PDZD7: variants seen among roughly 807,000 people sequenced by gnomAD.
The protein encoded by PDZD7 is PDZ domain containing 7.
PDZD7 carries 72 observed loss-of-function variants against 84.7 expected under a neutral mutation model. That is an observed-to-expected ratio of 0.85 (90% CI 0.70 to 1.03). PDZD7 has a LOEUF of 1.03. PDZD7 is among the 50% of genes least tolerant of loss of function. The pLI, the probability that PDZD7 is intolerant of heterozygous loss-of-function variation, is 0.00. For synonymous variants in PDZD7, 594 were observed against 580.7 expected (o/e 1.02, Z -0.33); for missense variants, 1,490 against 1,412.9 (o/e 1.05, Z -0.87).
chr10:101,010,190 T>G (rs1852346100), intron 15 of PDZD7, 82 bp downstream of exon 15: 12 of 1,434,582 alleles, frequency 8.4e-6, no homozygotes, highest in Non-Finnish European at 1.1e-5. Flanking sequence ...CCTCTGCGCC[T>G]GGCCCAATAC....
intron 1 of PDZD7, 51 bp from the exon 2 acceptor site, chr10:101,030,435 G>GC (rs1248430828): frequency 1.5e-6 from 1 of 672,050 alleles, no homozygotes; most frequent in East Asian, 2.7e-5. Context: ...TTCCCCTGCT[G>GC]CCCCCTAAAA....
At position 101,010,809 on chromosome 10, in the gene PDZD7, G is replaced by A. The variant is rs888682254; in HGVS notation, c.2080C>T (p.Arg694Trp). Reference protein sequence around the residue: ...EEEDNGELRERLGALKVSPSA... With the variant: ...EEEDNGELREWLGALKVSPSA... Reference sequence around the variant, plus strand: ...GGGGAGACCTTGAGGGCCCCCAGCCGCTCCCTCAGCTCCCCATTATCTTCC... The same window carrying A: ...GGGGAGACCTTGAGGGCCCCCAGCCACTCCCTCAGCTCCCCATTATCTTCC... The change falls in exon 15 of 17, where the codon CGG (arginine) becomes TGG (tryptophan). Residue 694 changes from arginine (R) to tryptophan (W), a missense_variant. By Grantham distance (101) the Arg-to-Trp change is moderately radical. Transcript: ENST00000619208. 4 of 1,535,238 alleles carry A rather than the reference G, an allele frequency of 2.6e-6. No homozygotes were observed. Among genetic ancestry groups the A allele is most frequent in the African/African-American group, 2.7e-5 (2 of 73,006 alleles).
rs1208319652 is a variant in PDZD7 at position 101,018,878 on chromosome 10, G to A, written c.1268C>T (p.Ala423Val). Residue 423 changes from alanine to valine, a missense_variant, in exon 8 of 17, where the codon GCC (alanine) becomes GTC (valine). Physicochemically the swap from Ala to Val is moderately conservative, Grantham distance 64 (BLOSUM62 0). Coordinates refer to ENST00000619208, the MANE Select transcript of PDZD7 (RefSeq NM_001195263.2). ...SESPKTALLL[A>V]LSRPRPPITR... ...GATGGGGGGCCGGGGTCGGCTGAGG[G>A]CCAGCAGCAAAGCCGTCTTGGGAGA... 2 of 1,604,954 alleles carry A rather than the reference G, an allele frequency of 1.2e-6. No individual in the cohort carries two copies. Among genetic ancestry groups the A allele is most frequent in the African/African-American group, 2.7e-5 (2 of 74,994 alleles).
intron 11 of PDZD7, among the ~76,000 whole-genome samples, chr10:101,014,708 C>T (rs953471716): frequency 7.4e-5 from 11 of 148,002 alleles, no homozygotes; most frequent in Admixed American, 2.1e-4. Context: ...TAGCCAGACA[C>T]GTGCTTGCTC....
At position 101,010,863 on chromosome 10, in the gene PDZD7, G is replaced by A; in HGVS notation, c.2026C>T (p.Leu676=). The change falls in exon 15 of 17, where the codon CTG becomes TTG. Residue 676 remains leucine (L), a synonymous_variant. Coordinates refer to ENST00000619208, the MANE Select transcript of PDZD7 (RefSeq NM_001195263.2). ...PVPDSRGGFY[L]LPVNGFPEEE... is the part of the protein sequence containing the mutation. ...TCCGGGAAGCCGTTCACCGGCAGCA[G>A]GTAGAAGCCTCCGCGGCTGTCTGGG... 1 of 1,534,314 alleles carries A rather than the reference G, an allele frequency of 6.5e-7. No homozygotes were observed. Among genetic ancestry groups the A allele is most frequent in the Non-Finnish European group, 8.7e-7 (1 of 1,146,856 alleles).
rs2134101028 is a variant in PDZD7 at position 101,023,585 on chromosome 10, G to T, written c.393C>A (p.Asp131Glu). The T allele has an allele frequency of 2.5e-6, 4 of 1,613,228 alleles. No homozygotes were observed. Among genetic ancestry groups the T allele is most frequent in the Non-Finnish European group, 2.5e-6 (3 of 1,180,026 alleles). The part of the protein sequence containing the change: ...SAERAGLCVG[D>E]KITEVNGLSL... ...TCAGCCCATTCACCTCCGTGATCTT[G>T]TCCCCCACGCACAGGCCAGCCCGCT... The change falls in exon 4 of 17, where the codon GAC (aspartate) becomes GAA (glutamate). Residue 131 changes from aspartate (D) to glutamate (E), a missense_variant. Coordinates refer to ENST00000619208, the MANE Select transcript of PDZD7 (RefSeq NM_001195263.2).
chr10:101,029,113 G>C (rs955287132), intron 2 of PDZD7, among the ~76,000 whole-genome samples: 5 of 152,226 alleles, frequency 3.3e-5, no homozygotes, highest in African/African-American at 1.2e-4. Context: ...CTCAGACTCA[G>C]GGGGCCTGGC....
chr10:101,022,100 G>A (rs1040849660), intron 5 of PDZD7, 109 bp downstream of exon 5: 2 of 1,558,028 alleles, frequency 1.3e-6, no homozygotes, highest in African/African-American at 1.4e-5. Flanking sequence ...CACTGAGACA[G>A]GTGGTTGGCC....
intron 2 of PDZD7, among the ~76,000 whole-genome samples, chr10:101,024,394 C>T (rs573012194): frequency 1.4e-4 from 22 of 152,280 alleles, no homozygotes; most frequent in African/African-American, 4.8e-4. Context: ...CAGGCACACA[C>T]CACTGTGCCT....
chr10:101,029,518 G>A (rs1031999291), intron 2 of PDZD7, among the ~76,000 whole-genome samples: 2 of 152,132 alleles, frequency 1.3e-5, no homozygotes, highest in East Asian at 1.9e-4. Context: ...CCTTCAGCAC[G>A]GAAGCCCTGA....
At position 101,016,425 on chromosome 10, in the gene PDZD7, CT is replaced by C; in HGVS notation, c.1524del (p.Gly510AlafsTer13). ...AACTTCTGTACCGGGCCCACGCCCCCTGCTATGAAGAAGAAAGAGGCTCAGC... is the reference window on the plus strand; with the variant it reads ...AACTTCTGTACCGGGCCCACGCCCCCGCTATGAAGAAGAAAGAGGCTCAGC... ...KTYPRLDIEK[A>X]GGVGPVQKFV... On this transcript the variant is annotated frameshift_variant and splice_region_variant, in exon 10 of 17. Coordinates refer to ENST00000619208, the MANE Select transcript of PDZD7 (RefSeq NM_001195263.2). LOFTEE classifies it high-confidence loss of function. 1 of 1,550,654 alleles carries C rather than the reference CT, an allele frequency of 6.4e-7. No individual in the cohort carries two copies. The highest frequency in any genetic ancestry group is 8.7e-7 in the Non-Finnish European group (1 of 1,147,004).
rs78072468 is a variant in PDZD7, at chr10:101,030,061, C to T, written c.159G>A (p.Gly53=). Residue 53 remains glycine, a synonymous_variant, in exon 2 of 17, where the codon GGG becomes GGA. Transcript: ENST00000619208. ...ATGAGGCTCGGATTCCGCGGGGGGGCCCGTTCAGCAGCCGTTGTTGCTTCC... is the reference window on the plus strand; with the variant it reads ...ATGAGGCTCGGATTCCGCGGGGGGGTCCGTTCAGCAGCCGTTGTTGCTTCC... ...LLRKQQRLLN[G]PPRGIRASSP... The T allele has an allele frequency of 2.5e-6, 4 of 1,612,550 alleles. No individual in the cohort carries two copies. The highest frequency in any genetic ancestry group is 1.1e-5 in the South Asian group (1 of 91,066).
chr10:101,014,864 T>C (rs1852540434), intron 11 of PDZD7, among the ~76,000 whole-genome samples: 1 of 152,062 alleles, frequency 6.6e-6, no homozygotes, highest in Non-Finnish European at 1.5e-5. Flanking sequence ...AAACAATTTT[T>C]CAAGACCCCC....
Position 101,010,525 on chromosome 10 carries a change from T to G in PDZD7, c.2364A>C (p.Gln788His). ...SRSRSRSSRGQGKSPGRRSPS... is the reference protein window; with the variant it reads ...SRSRSRSSRGHGKSPGRRSPS... ...GGGAGCGTCTACCTGGAGACTTGCC[T>G]TGACCCCGGCTGCTGCGGCTGCGGC... Residue 788 changes from glutamine to histidine, a missense_variant, in exon 15 of 17, where the codon CAA becomes CAC. Gln to His is a conservative substitution (Grantham distance 24, BLOSUM62 0). Coordinates refer to ENST00000619208, the MANE Select transcript of PDZD7 (RefSeq NM_001195263.2). 4.6e-6 allele frequency: 7 copies of G among 1,526,380 alleles called. No homozygotes were observed. Among genetic ancestry groups the G allele is most frequent in the Non-Finnish European group, 4.4e-6 (5 of 1,140,938 alleles). 94.6% of individuals were successfully genotyped at this position (1,526,380 alleles called of 1,614,324 possible).
At chr10:101,022,058 C>T in intron 5 of PDZD7, 113 bp from the exon 6 acceptor site, 1 of 1,559,564 alleles carries the variant, frequency 6.4e-7, no homozygotes, top group Non-Finnish European at 8.7e-7. Context: ...CTTGACCCTC[C>T]TACTGGGGCC....
chr10:101,020,806 C>G, intron 6 of PDZD7, 128 bp from the exon 7 acceptor site: 1 of 725,190 alleles, frequency 1.4e-6, no homozygotes, highest in Non-Finnish European at 2.4e-6. Flanking sequence ...TCATCATGCT[C>G]TGGCCGCACA....
chr10:101,028,632 C>T (rs377445389), intron 2 of PDZD7, among the ~76,000 whole-genome samples: 88 of 150,702 alleles, frequency 5.8e-4, no homozygotes, highest in Middle Eastern at 6.9e-3. Flanking sequence ...TTATAAACAG[C>T]GCTTGCATCA....
chr10:101,022,683 C>A (rs781496989), intron 4 of PDZD7, among the ~76,000 whole-genome samples: 3 of 151,844 alleles, frequency 2.0e-5, no homozygotes, highest in Non-Finnish European at 4.4e-5. Flanking sequence ...GCAGCCTCAA[C>A]CTCCTGGGCT....
intron 7 of PDZD7, among the ~76,000 whole-genome samples, chr10:101,019,790 T>C (rs1682492040): frequency 6.6e-6 from 1 of 151,856 alleles, no homozygotes. Context: ...CACACCCAGC[T>C]AATTTTTGTA....
Sources: allele counts gnomAD v4.1 joint callset (sites outside exome capture counted in the v4.1 genomes callset), GRCh38; gene constraint gnomAD v4.1.1; transcripts MANE v1.5; gene names NCBI Gene and HGNC (gene_info 2026-07-23, HGNC 2026-07-21).